The following UTP6 variants were observed in gnomAD, a reference collection of about 807,000 sequenced individuals.
UTP6 encodes UTP6 small subunit processome component.
Under a neutral mutation model 96.5 loss-of-function variants are expected in UTP6, and 60 were observed. That is an observed-to-expected ratio of 0.62 (90% confidence interval 0.51 to 0.77). UTP6 has a LOEUF of 0.77. Ranked by LOEUF, UTP6 falls within the 30% of genes least tolerant of loss-of-function variation. UTP6 has a pLI of 0.00. For missense variants in UTP6, 637 were observed against 706.5 expected, an observed-to-expected ratio of 0.90 and a Z score of 1.12; for synonymous variants, 215 against 240.1, an observed-to-expected ratio of 0.90 and a Z score of 0.96.
intron 18 of UTP6, 110 bp downstream of exon 18, chr17:31,865,256 G>A (rs1310572204): frequency 5.8e-5 from 63 of 1,079,330 alleles, no homozygotes; most frequent in Non-Finnish European, 7.9e-5. Context: ...CAGGTGATCC[G>A]CCTGCCTTGG....
rs1480847928 is a variant in UTP6 at position 31,877,549 on chromosome 17, C to T, written c.1125+701G>A. Among the ~76,000 whole-genome samples the T allele has an allele frequency of 2.0e-5, 3 of 152,104 alleles. No homozygotes were observed. The East Asian group carries it at 5.8e-4, about 29-fold the overall frequency. On this transcript the variant is annotated intron_variant, in intron 13 of 18. Transcript: ENST00000261708. Reference sequence around the variant, plus strand: ...AAAGACCAAGTTAGAAAGCCAGGCACGGCCAGGAGCAGTGGATCATGCCTG... The same window carrying T: ...AAAGACCAAGTTAGAAAGCCAGGCATGGCCAGGAGCAGTGGATCATGCCTG...
intron 16 of UTP6, among the ~76,000 whole-genome samples, chr17:31,871,282 G>A (rs781382003): frequency 5.9e-5 from 9 of 151,750 alleles, no homozygotes; most frequent in Non-Finnish European, 8.8e-5. Context: ...ATGAGCCACC[G>A]CACCCGGCCT....
At chr17:31,878,561 C>CA in intron 12 of UTP6, 141 bp downstream of exon 12, 1 of 876,426 alleles carries the variant, frequency 1.1e-6, no homozygotes, top group Non-Finnish European at 1.8e-6. Context: ...TTTAGAATGT[C>CA]ACGTCACCCA....
At chr17:31,899,551 C>T (rs1412712691) in intron 2 of UTP6, 95 bp downstream of exon 2, 4 of 870,066 alleles carry the variant, frequency 4.6e-6, no homozygotes, top group African/African-American at 3.5e-5. Context: ...ACACCATTCA[C>T]ACCACTGCAC....
rs144113207 is a variant in UTP6, at chr17:31,878,411, G to T, written c.1048-84C>A. 1.9e-4 allele frequency: 257 copies of T among 1,363,568 alleles called. 1 individual carries two copies. In the East Asian group the frequency reaches 5.9e-3, roughly 31 times the overall value. 84.5% of individuals were successfully genotyped at this position (1,363,568 alleles called of 1,614,324 possible). ...CTGACATGAACAAAAGCAGTTTTGC[G>T]CATTTCTTAAAATTCAAAGAAGCTG... On this transcript the variant is annotated intron_variant, in intron 12 of 18. Coordinates refer to ENST00000261708, the MANE Select transcript of UTP6 (RefSeq NM_018428.3).
intron 2 of UTP6, 71 bp downstream of exon 2, chr17:31,899,575 A>G (rs1904846286): frequency 8.6e-7 from 1 of 1,160,720 alleles, no homozygotes; most frequent in Non-Finnish European, 1.2e-6. Flanking sequence ...AACCTGGGTG[A>G]CAGAGTGAGA....
chr17:31,901,484 C>CAA, intron 1 of UTP6, 52 bp downstream of exon 1: 2 of 1,586,264 alleles, frequency 1.3e-6, no homozygotes, highest in South Asian at 2.2e-5. Context: ...CACACACTCC[C>CAA]AACCTCCCCT....
At chr17:31,900,224 T>C (rs1389571915) in intron 1 of UTP6, among the ~76,000 whole-genome samples, 1 of 152,212 alleles carries the variant, frequency 6.6e-6, no homozygotes, top group Non-Finnish European at 1.5e-5. Context: ...ATCATCTTAA[T>C]CAACTCCCAA....
At chr17:31,882,509 C>T (rs7222479) in intron 10 of UTP6, among the ~76,000 whole-genome samples, 6,328 of 151,932 alleles carry the variant, frequency 0.042, 433 homozygotes, top group African/African-American at 0.14. Flanking sequence ...TTAGTAGAGA[C>T]GGGGTTTCAC....
Position 31,873,463 on chromosome 17 carries a change from C to A in UTP6, c.1411G>T (p.Ala471Ser), listed in dbSNP as rs1910305914. The A allele has an allele frequency of 1.2e-6, 2 of 1,613,914 alleles. No individual in the cohort carries two copies. Among genetic ancestry groups the A allele is most frequent in the Non-Finnish European group, 1.7e-6 (2 of 1,180,016 alleles). ...TTATTCTTCAGGGTTACTGAGTCGGCACCTATGACAGCTAAGAGAGCTTTC... is the reference window on the plus strand; with the variant it reads ...TTATTCTTCAGGGTTACTGAGTCGGAACCTATGACAGCTAAGAGAGCTTTC... ...FKKALLAVIG[A>S]DSVTLKNKYL... The change falls in exon 16 of 19, where the codon GCC becomes TCC. Residue 471 changes from alanine to serine, a missense_variant. Ala to Ser is a moderately conservative substitution (Grantham distance 99). Transcript: ENST00000261708.
chr17:31,895,692 C>T (rs986032409), intron 2 of UTP6, among the ~76,000 whole-genome samples: 9 of 152,026 alleles, frequency 5.9e-5, no homozygotes, highest in African/African-American at 2.2e-4. Context: ...TGCCACCATG[C>T]CCGGCTAATT....
chr17:31,869,172 T>C (rs1910016169), intron 16 of UTP6, among the ~76,000 whole-genome samples: 1 of 152,090 alleles, frequency 6.6e-6, no homozygotes, highest in African/African-American at 2.4e-5. Context: ...AGCTTTCTCT[T>C]TTATTTTTTC....
intron 15 of UTP6, 70 bp downstream of exon 15, chr17:31,873,603 C>T (rs1483021462): frequency 1.2e-6 from 2 of 1,610,662 alleles, no homozygotes; most frequent in Non-Finnish European, 1.7e-6. Flanking sequence ...ACCTGCAACA[C>T]TAGAGCTGAC....
intron 8 of UTP6, among the ~76,000 whole-genome samples, chr17:31,886,857 G>C (rs1428482767): frequency 6.6e-6 from 1 of 152,140 alleles, no homozygotes; most frequent in Non-Finnish European, 1.5e-5. Flanking sequence ...ATCACTTTAT[G>C]AGATCATACA....
intron 17 of UTP6, among the ~76,000 whole-genome samples, chr17:31,866,110 AC>A (rs1909796592): frequency 6.6e-6 from 1 of 151,430 alleles, no homozygotes. Flanking sequence ...CAACAGTGAA[AC>A]CCCGTCTCTA....
intron 7 of UTP6, 42 bp from the exon 8 acceptor site, chr17:31,887,355 T>C: frequency 6.3e-7 from 1 of 1,584,144 alleles, no homozygotes; most frequent in Non-Finnish European, 8.7e-7. Context: ...GAGATGCTTT[T>C]TAAAATTTTT....
intron 18 of UTP6, among the ~76,000 whole-genome samples, chr17:31,864,429 A>G (rs566986718): frequency 2.6e-5 from 4 of 152,276 alleles, no homozygotes; most frequent in African/African-American, 9.6e-5. Context: ...ATGAGTTCAC[A>G]AAGTCCACAG....
At chr17:31,871,980 G>A (rs1033588395) in intron 16 of UTP6, among the ~76,000 whole-genome samples, 1 of 151,986 alleles carries the variant, frequency 6.6e-6, no homozygotes, top group Non-Finnish European at 1.5e-5. Context: ...GGTCACCAGA[G>A]GTCAGGAGTT....
intron 16 of UTP6, chr17:31,873,176 C>T (rs768283061): frequency 4.3e-5 from 20 of 462,702 alleles, no homozygotes; most frequent in Middle Eastern, 5.8e-4. Flanking sequence ...ATCACTTGAA[C>T]GCAGGAGGCG....
Sources: allele counts gnomAD v4.1 joint callset (sites outside exome capture counted in the v4.1 genomes callset), GRCh38; gene constraint gnomAD v4.1.1; transcripts MANE v1.5; gene names NCBI Gene and HGNC (gene_info 2026-07-23, HGNC 2026-07-21).